Variants in CACNA2D1 observed in about 807,000 individuals in gnomAD.
The protein encoded by CACNA2D1 is calcium voltage-gated channel auxiliary subunit alpha2delta 1.
Under a neutral mutation model 171.5 loss-of-function variants are expected in CACNA2D1, and 53 were observed. The observed-to-expected ratio is 0.31, with a 90% confidence interval of 0.25 to 0.39. The LOEUF (loss-of-function observed/expected upper bound fraction) is 0.39, where lower values mean the gene tolerates loss of function less well. CACNA2D1 is among the 10% of genes least tolerant of loss of function. CACNA2D1 has a pLI of 1.00. For synonymous variants in CACNA2D1, 442 were observed against 443.1 expected, an observed-to-expected ratio of 1.00 and a Z score of 0.03; for missense variants, 903 against 1,299.8, an observed-to-expected ratio of 0.69 and a Z score of 4.69.
intron 1 of CACNA2D1, chr7:82,410,553 T>C: frequency 1.0e-6 from 1 of 985,106 alleles, no homozygotes. Context: ...GGGTGGCTGA[T>C]GCCAGGTGGC....
At chr7:82,309,272 G>T (rs755959033) in intron 3 of CACNA2D1, among the ~76,000 whole-genome samples, 5 of 152,178 alleles carry the variant, frequency 3.3e-5, no homozygotes, top group Non-Finnish European at 5.9e-5. Flanking sequence ...TGAGCATGGT[G>T]GTGGATGCCT....
intron 9 of CACNA2D1, among the ~76,000 whole-genome samples, chr7:82,062,193 A>G (rs1271810983): frequency 6.6e-6 from 1 of 152,180 alleles, no homozygotes; most frequent in Non-Finnish European, 1.5e-5. Context: ...CCCAGGAATG[A>G]GCAGCCAATC....
chr7:81,957,178 CATAAA>C (rs564755349), intron 38 of CACNA2D1, among the ~76,000 whole-genome samples: 109 of 152,064 alleles, frequency 7.2e-4, no homozygotes, highest in African/African-American at 2.4e-3. Context: ...AGGTAGTTCT[CATAAA>C]ATACCATGAA....
chr7:82,332,561 A>AGAAAGAAAGAAAGAAG (rs1554514960), intron 3 of CACNA2D1, among the ~76,000 whole-genome samples: 8 of 140,450 alleles, frequency 5.7e-5, no homozygotes, highest in Non-Finnish European at 1.1e-4. Flanking sequence ...AAAGAAAGAA[A>AGAAAGAAAGAAAGAAG]GAAAGAACGA....
intron 38 of CACNA2D1, among the ~76,000 whole-genome samples, chr7:81,953,240 A>T (rs1175907408): frequency 6.6e-6 from 1 of 151,940 alleles, no homozygotes; most frequent in Non-Finnish European, 1.5e-5. Context: ...CCCTTTTATA[A>T]ACGCTTCTCC....
chr7:82,331,623 T>G (rs1283755317), intron 3 of CACNA2D1, among the ~76,000 whole-genome samples: 1 of 152,228 alleles, frequency 6.6e-6, no homozygotes, highest in Non-Finnish European at 1.5e-5. Flanking sequence ...TGTCATCATG[T>G]GCTTAAGATA....
chr7:82,098,511 A>C (rs1812205732), intron 6 of CACNA2D1, among the ~76,000 whole-genome samples: 1 of 152,176 alleles, frequency 6.6e-6, no homozygotes, highest in Admixed American at 6.5e-5. Flanking sequence ...CATGTACAGC[A>C]CTTTGACTAA....
chr7:82,413,474 C>T (rs80345873), intron 1 of CACNA2D1, among the ~76,000 whole-genome samples: 7,524 of 152,256 alleles, frequency 0.049, 274 homozygotes, highest in Non-Finnish European at 0.074. Flanking sequence ...AGGACAATGG[C>T]TGACATTGGG....
At chr7:82,341,533 T>A (rs1443506904) in intron 2 of CACNA2D1, among the ~76,000 whole-genome samples, 1 of 152,218 alleles carries the variant, frequency 6.6e-6, no homozygotes, top group Admixed American at 6.5e-5. Flanking sequence ...AACCTCTTCC[T>A]TCCCTTTGAT....
intron 3 of CACNA2D1, among the ~76,000 whole-genome samples, chr7:82,183,505 C>T (rs547970467): frequency 6.6e-6 from 1 of 152,180 alleles, no homozygotes; most frequent in South Asian, 2.1e-4. Context: ...AACCATAAAA[C>T]ACATACTGAC....
chr7:82,276,827 C>A lies in CACNA2D1; in HGVS notation c.294+58308G>T, dbSNP rs546435793. On this transcript the variant is annotated intron_variant, in intron 3 of 38. Transcript: ENST00000356860. ...GCAGTGGTGCAATCTCGGCTCACTGCAACCTCTGCCTCCTGTGTTCAAGCG... is the reference window on the plus strand; with the variant it reads ...GCAGTGGTGCAATCTCGGCTCACTGAAACCTCTGCCTCCTGTGTTCAAGCG... Among the ~76,000 whole-genome samples the A allele has an allele frequency of 1.1e-4, 16 of 151,366 alleles. No individual in the cohort carries two copies. In the East Asian group the frequency reaches 3.1e-3, roughly 30 times the overall value.
intron 3 of CACNA2D1, among the ~76,000 whole-genome samples, chr7:82,308,079 T>C (rs939861491): frequency 6.6e-6 from 1 of 152,196 alleles, no homozygotes; most frequent in African/African-American, 2.4e-5. Context: ...TCCTTTCTTA[T>C]TGGCAAGATT....
chr7:82,074,759 T>A (rs1430262816), intron 7 of CACNA2D1, among the ~76,000 whole-genome samples: 1 of 152,138 alleles, frequency 6.6e-6, no homozygotes, highest in Non-Finnish European at 1.5e-5. Context: ...ATCAAATAAT[T>A]TTGAATTTTA....
intron 6 of CACNA2D1, among the ~76,000 whole-genome samples, chr7:82,101,104 TATAAG>T (rs1323101811): frequency 6.6e-6 from 1 of 152,122 alleles, no homozygotes; most frequent in Non-Finnish European, 1.5e-5. Flanking sequence ...TTCTTATTTA[TATAAG>T]ATATTATATA....
chr7:82,438,551 G>C (rs73704295), intron 1 of CACNA2D1, among the ~76,000 whole-genome samples: 8,901 of 152,104 alleles, frequency 0.059, 865 homozygotes, highest in African/African-American at 0.2. Context: ...CTACGCAATC[G>C]TTTACATGTT....
intron 38 of CACNA2D1, among the ~76,000 whole-genome samples, chr7:81,957,148 C>T (rs1435683521): frequency 2.0e-5 from 3 of 151,868 alleles, no homozygotes; most frequent in Non-Finnish European, 4.4e-5. Context: ...TTGAGATAAC[C>T]ACCTCTAAAA....
intron 3 of CACNA2D1, among the ~76,000 whole-genome samples, chr7:82,192,742 G>A (rs1798466200): frequency 6.8e-6 from 1 of 146,036 alleles, no homozygotes; most frequent in African/African-American, 2.6e-5. Context: ...AACCTGAGCA[G>A]CTGTTCCTTT....
chr7:82,033,749 A>G (rs933168615), intron 11 of CACNA2D1, among the ~76,000 whole-genome samples: 38 of 152,232 alleles, frequency 2.5e-4, no homozygotes, highest in African/African-American at 8.7e-4. Context: ...ATGATGGATT[A>G]GCACCAAAGG....
At chr7:82,418,762 C>A (rs942946868) in intron 1 of CACNA2D1, among the ~76,000 whole-genome samples, 6 of 152,226 alleles carry the variant, frequency 3.9e-5, no homozygotes, top group South Asian at 2.1e-4. Context: ...TTCATACTCA[C>A]CAAGATGTTT....
Sources: allele counts gnomAD v4.1 joint callset (sites outside exome capture counted in the v4.1 genomes callset), GRCh38; gene constraint gnomAD v4.1.1; transcripts MANE v1.5; gene names NCBI Gene and HGNC (gene_info 2026-07-23, HGNC 2026-07-21).